The following GAREM1 variants were observed in gnomAD, a reference collection of about 807,000 sequenced individuals.
The protein encoded by GAREM1 is GRB2-associated and regulator of MAPK protein 1.
A neutral mutation model predicts 71.3 loss-of-function variants in GAREM1; 26 were observed. That is an observed-to-expected ratio of 0.36 (90% CI 0.27 to 0.51). The LOEUF (loss-of-function observed/expected upper bound fraction) is 0.51. Ranked by LOEUF, GAREM1 falls within the 20% of genes least tolerant of loss-of-function variation. The pLI is 0.95. For missense variants in GAREM1, 1,026 were observed against 1,103.1 expected, an observed-to-expected ratio of 0.93 and a Z score of 0.99; for synonymous variants, 440 against 433.2, an observed-to-expected ratio of 1.02 and a Z score of -0.20.
intron 4 of GAREM1, among the ~76,000 whole-genome samples, chr18:32,284,790 C>T (rs2046993970): frequency 6.7e-6 from 1 of 149,326 alleles, no homozygotes; most frequent in Admixed American, 6.7e-5. Context: ...CGCTCTGTCG[C>T]CCAGGCTGGA....
chr18:32,289,684 AC>A lies in GAREM1; in HGVS notation c.394-1482del, dbSNP rs1567951085. On this transcript the variant is annotated intron_variant, in intron 3 of 5. Transcript: ENST00000269209. The stretch of plus-strand genomic sequence containing the variant: ...ATGATTCTGAACCAGGGGTGACTAT[AC>A]CCACTAGGGGGCAATGTTTGGAGAC... 2.6e-5 allele frequency among the ~76,000 whole-genome samples: 4 copies of A among 152,248 alleles called. No homozygotes were observed. The East Asian group carries it at 7.7e-4, about 29-fold the overall frequency.
At chr18:32,432,670 C>T (rs1437466889) in intron 1 of GAREM1, among the ~76,000 whole-genome samples, 1 of 152,092 alleles carries the variant, frequency 6.6e-6, no homozygotes, top group African/African-American at 2.4e-5. Context: ...AACAACTCCA[C>T]ACGTATAAAT....
intron 2 of GAREM1, among the ~76,000 whole-genome samples, chr18:32,351,027 A>G (rs1394454404): frequency 6.6e-6 from 1 of 152,090 alleles, no homozygotes; most frequent in African/African-American, 2.4e-5. Flanking sequence ...GGAACTTACT[A>G]TTTCTTAGTC....
In GAREM1 at chr18:32,268,753, A is replaced by T; in HGVS notation, c.1749T>A (p.Thr583=). 1 of 1,613,296 alleles carries T rather than the reference A, an allele frequency of 6.2e-7. No individual in the cohort carries two copies. ...SGLHNISVTK[T]DTNPSESTPV... is the part of the protein sequence containing the mutation. The stretch of plus-strand genomic sequence containing the variant: ...GAGTGCTTTCAGAAGGATTTGTGTC[A>T]GTTTTAGTGACGCTGCTTAAAAGCA... Residue 583 remains threonine, a synonymous_variant, in exon 6 of 6, where the codon ACT becomes ACA. Coordinates refer to ENST00000269209, the MANE Select transcript of GAREM1 (RefSeq NM_001242409.2).
At chr18:32,379,469 T>TGGGGGGGG in intron 2 of GAREM1, among the ~76,000 whole-genome samples, 1 of 30,074 alleles carries the variant, frequency 3.3e-5, no homozygotes, top group South Asian at 1.5e-3. Context: ...CCGGGGGGGG[T>TGGGGGGGG]GGGGGGCGGG....
chr18:32,412,130 T>G lies in GAREM1; in HGVS notation c.122-19095A>C, dbSNP rs1247322477. 4.1e-6 allele frequency: 4 copies of G among 974,920 alleles called. No individual in the cohort carries two copies. The Admixed American group carries it at 7.6e-5, about 18-fold the overall frequency. 60.4% of individuals were successfully genotyped at this position (974,920 alleles called of 1,614,324 possible). A position where few individuals can be genotyped will look rare whatever the true frequency, so the allele number is the denominator to read the frequency against. On this transcript the variant is annotated intron_variant, in intron 1 of 5. Transcript: ENST00000269209. ...AGCTAGGCCCTGCCACCACTGTGCTTGGCTGAGTTCACAAATCTGTTGTAA... is the reference window on the plus strand; with the variant it reads ...AGCTAGGCCCTGCCACCACTGTGCTGGGCTGAGTTCACAAATCTGTTGTAA...
intron 5 of GAREM1, among the ~76,000 whole-genome samples, chr18:32,269,170 C>T (rs1346328933): frequency 1.3e-5 from 2 of 152,144 alleles, no homozygotes; most frequent in African/African-American, 4.8e-5. Flanking sequence ...GCATGCTTGC[C>T]ATGCTTGTGC....
At chr18:32,355,666 T>A (rs1427951336) in intron 2 of GAREM1, among the ~76,000 whole-genome samples, 1 of 152,212 alleles carries the variant, frequency 6.6e-6, no homozygotes, top group Non-Finnish European at 1.5e-5. Context: ...CTTGGACTTT[T>A]TTCTAGTACC....
At chr18:32,451,346 C>T (rs1057255388) in intron 1 of GAREM1, among the ~76,000 whole-genome samples, 4 of 149,732 alleles carry the variant, frequency 2.7e-5, no homozygotes, top group Non-Finnish European at 4.4e-5. Flanking sequence ...AAATTTCATG[C>T]AGCACAAGTG....
In GAREM1 at chr18:32,406,532, A is replaced by C. The variant is rs372571524; in HGVS notation, c.122-13497T>G. Among the ~76,000 whole-genome samples, 3 of 152,216 alleles carry C rather than the reference A, an allele frequency of 2.0e-5. No individual in the cohort carries two copies. The South Asian group carries it at 6.2e-4, about 32-fold the overall frequency. ...GTGAAATCATAGAAAACTGCTACAA[A>C]ACAATGAAAGAACAATCATGAAATC... On this transcript the variant is annotated intron_variant, in intron 1 of 5. Transcript: ENST00000269209.
intron 1 of GAREM1, among the ~76,000 whole-genome samples, chr18:32,462,073 T>A (rs1007929026): frequency 6.6e-6 from 1 of 152,228 alleles, no homozygotes; most frequent in African/African-American, 2.4e-5. Flanking sequence ...GTCTTAAGAT[T>A]TTTACAGACA....
At chr18:32,328,575 T>C (rs1043846119) in intron 2 of GAREM1, among the ~76,000 whole-genome samples, 3 of 152,222 alleles carry the variant, frequency 2.0e-5, no homozygotes, top group Admixed American at 6.5e-5. Flanking sequence ...TGAGTCATTT[T>C]AATCTAAGCA....
intron 2 of GAREM1, among the ~76,000 whole-genome samples, chr18:32,319,896 T>C (rs2047413629): frequency 6.6e-6 from 1 of 152,202 alleles, no homozygotes; most frequent in Non-Finnish European, 1.5e-5. Context: ...CATAACTAAT[T>C]TAACCAGTCT....
chr18:32,321,350 C>A (rs1010866640), intron 2 of GAREM1, among the ~76,000 whole-genome samples: 3 of 152,122 alleles, frequency 2.0e-5, no homozygotes, highest in Non-Finnish European at 1.5e-5. Flanking sequence ...TCAGTCTGTG[C>A]AAAAATATCG....
chr18:32,412,205 G>C (rs2048426644), intron 1 of GAREM1: 23 of 1,563,586 alleles, frequency 1.5e-5, no homozygotes, highest in Non-Finnish European at 1.9e-5. Flanking sequence ...GCTAAGCTTT[G>C]TTTCCTAATT....
At chr18:32,418,111 C>T (rs2048481613) in intron 1 of GAREM1, among the ~76,000 whole-genome samples, 1 of 152,106 alleles carries the variant, frequency 6.6e-6, no homozygotes, top group Non-Finnish European at 1.5e-5. Flanking sequence ...TCATATTTTT[C>T]AATATTTCCA....
intron 1 of GAREM1, among the ~76,000 whole-genome samples, chr18:32,414,256 C>G (rs2048446549): frequency 6.6e-6 from 1 of 152,094 alleles, no homozygotes; most frequent in African/African-American, 2.4e-5. Context: ...TCACCAAGAT[C>G]CATCAGCAAA....
rs138350912 is a variant in GAREM1, at chr18:32,287,715, G to A, written c.882C>T (p.Pro294=). The A allele has an allele frequency of 2.5e-4, 403 of 1,614,030 alleles. No homozygotes were observed. Among genetic ancestry groups the A allele is most frequent in the Non-Finnish European group, 3.2e-4 (383 of 1,180,036 alleles). The stretch of plus-strand genomic sequence containing the variant: ...CAGTCAAGTGCAAAGGAAAGTGCAT[G>A]GGGAGGATCTTGTTGTTCCGCAGCA... ...CCVLRNNKIL[P]MHFPLHLTVP... Residue 294 remains proline (P), a synonymous_variant, in exon 4 of 6, where the codon CCC becomes CCT. Coordinates refer to ENST00000269209, the MANE Select transcript of GAREM1 (RefSeq NM_001242409.2). The surrounding 1 kb of genome is among the most constrained non-coding windows in gnomAD (Gnocchi z 5.9).
intron 1 of GAREM1, among the ~76,000 whole-genome samples, chr18:32,453,527 C>T (rs2048860405): frequency 6.6e-6 from 1 of 152,056 alleles, no homozygotes; most frequent in South Asian, 2.1e-4. Context: ...CTCAGGTAAG[C>T]CTTGGTTTGT....
Sources: gnomAD v4.1 joint callset for allele counts (sites outside exome capture counted in the v4.1 genomes callset) on GRCh38, gnomAD v4.1.1 for gene constraint, Gnocchi (gnomAD v3.1) non-coding constraint, MANE v1.5 for transcripts, NCBI Gene and HGNC (gene_info 2026-07-23, HGNC 2026-07-21) for gene names.